EPHA6: variants seen among roughly 807,000 people sequenced by gnomAD.
The protein encoded by EPHA6 is EPH receptor A6.
EPHA6 carries 50 observed loss-of-function variants against 112.0 expected under a neutral mutation model. That is an observed-to-expected ratio of 0.45 (90% CI 0.36 to 0.56). The LOEUF is 0.56. Among genes scored for constraint, EPHA6 ranks in the 20% least tolerant of loss-of-function variants. EPHA6 has a pLI of 0.00. For synonymous variants in EPHA6, 529 were observed against 490.7 expected, an observed-to-expected ratio of 1.08 and a Z score of -1.03; for missense variants, 1,280 against 1,417.4, an observed-to-expected ratio of 0.90 and a Z score of 1.56.
At chr3:97,474,805 G>A (rs1231602950) in intron 7 of EPHA6, among the ~76,000 whole-genome samples, 2 of 151,978 alleles carry the variant, frequency 1.3e-5, no homozygotes, top group African/African-American at 4.8e-5. Flanking sequence ...AATTATTGCT[G>A]ATTAAACATC....
At chr3:97,300,540 G>A (rs1195576229) in intron 5 of EPHA6, among the ~76,000 whole-genome samples, 1 of 152,034 alleles carries the variant, frequency 6.6e-6, no homozygotes, top group Non-Finnish European at 1.5e-5. Context: ...GATCAACCTT[G>A]GTAAATTATG....
chr3:97,435,400 G>A (rs1354412442), intron 6 of EPHA6, among the ~76,000 whole-genome samples: 1 of 152,028 alleles, frequency 6.6e-6, no homozygotes, highest in African/African-American at 2.4e-5. Flanking sequence ...GTAAAAAATA[G>A]TTAATTCATA....
chr3:97,517,428 T>C (rs1226976826), intron 10 of EPHA6, among the ~76,000 whole-genome samples: 2 of 152,128 alleles, frequency 1.3e-5, no homozygotes, highest in African/African-American at 4.8e-5. Flanking sequence ...GGCAATTCTA[T>C]GATTAGACGT....
At chr3:97,569,266 T>C (rs1279719739) in intron 11 of EPHA6, among the ~76,000 whole-genome samples, 2 of 152,174 alleles carry the variant, frequency 1.3e-5, no homozygotes, top group Non-Finnish European at 2.9e-5. Flanking sequence ...TCTCAACATA[T>C]AGCACATAAG....
intron 2 of EPHA6, among the ~76,000 whole-genome samples, chr3:96,939,391 C>A (rs147567860): frequency 0.018 from 2,757 of 152,218 alleles, 69 homozygotes; most frequent in African/African-American, 0.05. Context: ...AGTTTATTTG[C>A]GTAGAGATGT....
chr3:97,676,863 C>A (rs193007382), intron 14 of EPHA6, among the ~76,000 whole-genome samples: 1 of 151,918 alleles, frequency 6.6e-6, no homozygotes, highest in Admixed American at 6.6e-5. Context: ...CAGCTAAAAT[C>A]GAGGATGAAG....
intron 2 of EPHA6, among the ~76,000 whole-genome samples, chr3:96,868,933 A>G (rs938498650): frequency 1.3e-5 from 2 of 151,946 alleles, no homozygotes; most frequent in Non-Finnish European, 2.9e-5. Context: ...GTGCCTGTGA[A>G]CAGACTGATA....
At chr3:97,403,548 G>A (rs886750326) in intron 5 of EPHA6, among the ~76,000 whole-genome samples, 4 of 152,144 alleles carry the variant, frequency 2.6e-5, no homozygotes, top group Admixed American at 2.0e-4. Context: ...CCGGGTTCAC[G>A]CCATTCTCCT....
At chr3:97,542,845 G>A (rs1384585435) in intron 11 of EPHA6, among the ~76,000 whole-genome samples, 2 of 152,206 alleles carry the variant, frequency 1.3e-5, no homozygotes, top group African/African-American at 4.8e-5. Flanking sequence ...CTGATGGCCA[G>A]TGATGATGAG....
intron 5 of EPHA6, among the ~76,000 whole-genome samples, chr3:97,288,596 G>A (rs867388039): frequency 2.0e-5 from 3 of 152,040 alleles, no homozygotes; most frequent in African/African-American, 4.8e-5. Context: ...ATATGTACAC[G>A]TTAATGAGAT....
At chr3:97,677,337 G>A (rs927639188) in intron 14 of EPHA6, among the ~76,000 whole-genome samples, 2 of 152,034 alleles carry the variant, frequency 1.3e-5, no homozygotes, top group African/African-American at 4.8e-5. Flanking sequence ...TTTTTAATGT[G>A]CTTGCTAGAA....
chr3:97,665,874 A>G (rs1015015405), intron 14 of EPHA6, among the ~76,000 whole-genome samples: 9 of 152,234 alleles, frequency 5.9e-5, no homozygotes, highest in Admixed American at 1.3e-4. Flanking sequence ...TGGCCAACAT[A>G]GTGAAACCCC....
At chr3:97,330,953 G>A (rs976074823) in intron 5 of EPHA6, among the ~76,000 whole-genome samples, 1 of 152,076 alleles carries the variant, frequency 6.6e-6, no homozygotes, top group Non-Finnish European at 1.5e-5. Context: ...ATTCTTTTCA[G>A]CACCACACCA....
chr3:97,642,079 G>A (rs1430324732), intron 14 of EPHA6, among the ~76,000 whole-genome samples: 273 of 142,916 alleles, frequency 1.9e-3, no homozygotes, highest in African/African-American at 6.9e-3. Flanking sequence ...CTCCCAGCAC[G>A]CAGCTGGAGA....
chr3:97,725,706 G>A (rs918271732), intron 15 of EPHA6, among the ~76,000 whole-genome samples: 1 of 152,038 alleles, frequency 6.6e-6, no homozygotes, highest in Non-Finnish European at 1.5e-5. Flanking sequence ...TACATGCTTT[G>A]CAGCACATTT....
intron 14 of EPHA6, among the ~76,000 whole-genome samples, chr3:97,711,091 G>C (rs1262907990): frequency 6.6e-6 from 1 of 152,108 alleles, no homozygotes; most frequent in Non-Finnish European, 1.5e-5. Flanking sequence ...GGTGGGAGGT[G>C]GTTGAATCGT....
chr3:97,417,796 C>T (rs1013009605), intron 6 of EPHA6, among the ~76,000 whole-genome samples: 1 of 152,122 alleles, frequency 6.6e-6, no homozygotes, highest in Non-Finnish European at 1.5e-5. Context: ...TGAAGGAAAA[C>T]TGAAGTAGTA....
chr3:96,837,536 C>A (rs2034488610), intron 1 of EPHA6, among the ~76,000 whole-genome samples: 1 of 151,998 alleles, frequency 6.6e-6, no homozygotes, highest in Admixed American at 6.6e-5. Flanking sequence ...TTTAGAGGGC[C>A]AGGACAGATT....
At chr3:97,037,694 A>G (rs2045156010) in intron 3 of EPHA6, among the ~76,000 whole-genome samples, 1 of 152,102 alleles carries the variant, frequency 6.6e-6, no homozygotes. Flanking sequence ...GAGGAAAGAA[A>G]GGAAGCAGGA....
Sources: allele counts gnomAD v4.1 joint callset (sites outside exome capture counted in the v4.1 genomes callset), GRCh38; gene constraint gnomAD v4.1.1; transcripts MANE v1.5; gene names NCBI Gene and HGNC (gene_info 2026-07-23, HGNC 2026-07-21).